The following NRG3 variants were observed in gnomAD, a reference collection of about 807,000 sequenced individuals.
NRG3 encodes pro-neuregulin-3, membrane-bound isoform.
In NRG3, 31 loss-of-function variants were observed where a neutral mutation model predicts 66.9. That is an observed-to-expected ratio of 0.46 (90% confidence interval 0.35 to 0.63). The LOEUF is 0.63. Among genes scored for constraint, NRG3 ranks in the 20% least tolerant of loss-of-function variants. NRG3 has a pLI of 0.00. For synonymous variants in NRG3, 393 were observed against 359.4 expected, an observed-to-expected ratio of 1.09 and a Z score of -1.06; for missense variants, 910 against 878.9, an observed-to-expected ratio of 1.04 and a Z score of -0.45.
chr10:82,709,339 G>A (rs2056509910), intron 2 of NRG3, among the ~76,000 whole-genome samples: 1 of 151,430 alleles, frequency 6.6e-6, no homozygotes, highest in South Asian at 2.1e-4. Flanking sequence ...GTTGTTTTTT[G>A]TTTGTTCCAG....
rs2046688908 is a variant in NRG3 at position 82,586,679 on chromosome 10, A to G, written c.954-151898A>G. Among the ~76,000 whole-genome samples, 3 of 152,180 alleles carry G rather than the reference A, an allele frequency of 2.0e-5. No homozygotes were observed. In the South Asian group the frequency reaches 6.2e-4, roughly 32 times the overall value. On this transcript the variant is annotated intron_variant, in intron 2 of 8. Coordinates refer to ENST00000372141, the MANE Select transcript of NRG3 (RefSeq NM_001010848.4). The stretch of plus-strand genomic sequence containing the variant: ...TATTTCTTAACTGGTGATCAATTAG[A>G]TTCTATTCACCATCTTTATTTTATC...
At chr10:82,129,996 A>G (rs139972308) in intron 1 of NRG3, among the ~76,000 whole-genome samples, 222 of 151,974 alleles carry the variant, frequency 1.5e-3, no homozygotes, top group Non-Finnish European at 2.4e-3. Context: ...CTGCCCATTA[A>G]CCATCACTAC....
At chr10:82,834,012 T>A (rs1473234360) in intron 3 of NRG3, among the ~76,000 whole-genome samples, 1 of 152,226 alleles carries the variant, frequency 6.6e-6, no homozygotes, top group East Asian at 1.9e-4. Context: ...GCACTCTTTT[T>A]TATTTTTTCT....
At chr10:81,915,344 G>C (rs746964455) in intron 1 of NRG3, among the ~76,000 whole-genome samples, 10 of 152,128 alleles carry the variant, frequency 6.6e-5, no homozygotes, top group Admixed American at 5.2e-4. Flanking sequence ...CAGCTGCCTT[G>C]GAGAGGCTAG....
At position 82,364,013 on chromosome 10, in the gene NRG3, G is replaced by A. The variant is rs570395894; in HGVS notation, c.953+5145G>A. ...CTAATTCTGAAAAAAAAACTAAAAA[G>A]GTTGATAGTTTACAACTATTTCCTT... On this transcript the variant is annotated intron_variant, in intron 2 of 8. Coordinates refer to ENST00000372141, the MANE Select transcript of NRG3 (RefSeq NM_001010848.4). 5.3e-5 allele frequency among the ~76,000 whole-genome samples: 8 copies of A among 151,876 alleles called. No individual in the cohort carries two copies. In the East Asian group the frequency reaches 1.5e-3, roughly 29 times the overall value.
chr10:82,402,425 A>G (rs2087171101), intron 2 of NRG3, among the ~76,000 whole-genome samples: 2 of 152,130 alleles, frequency 1.3e-5, no homozygotes, highest in Non-Finnish European at 2.9e-5. Context: ...TTTTCTAACC[A>G]AAGAAGTTGT....
intron 1 of NRG3, among the ~76,000 whole-genome samples, chr10:82,053,226 C>G (rs2063683192): frequency 6.6e-6 from 1 of 151,584 alleles, no homozygotes; most frequent in African/African-American, 2.4e-5. Context: ...AATAAATAAT[C>G]TGATATTTCA....
chr10:82,964,369 T>C (rs2132494857), intron 6 of NRG3, among the ~76,000 whole-genome samples: 1 of 152,288 alleles, frequency 6.6e-6, no homozygotes. Flanking sequence ...AGCTCAGCTC[T>C]CTAAAAAGGT....
intron 6 of NRG3, among the ~76,000 whole-genome samples, chr10:82,965,559 A>G (rs1342124995): frequency 3.9e-5 from 6 of 152,094 alleles, no homozygotes; most frequent in African/African-American, 1.2e-4. Context: ...AACATGGTGA[A>G]ACCTTGACCC....
At chr10:82,315,825 C>A (rs1371198037) in intron 1 of NRG3, among the ~76,000 whole-genome samples, 1 of 151,956 alleles carries the variant, frequency 6.6e-6, no homozygotes, top group Non-Finnish European at 1.5e-5. Flanking sequence ...ACCACCACAC[C>A]CGGCTAGTTT....
intron 1 of NRG3, among the ~76,000 whole-genome samples, chr10:82,339,529 T>C (rs2082571013): frequency 6.6e-6 from 1 of 152,138 alleles, no homozygotes; most frequent in Non-Finnish European, 1.5e-5. Context: ...CATGATTTGG[T>C]TACCTCCCAC....
At chr10:82,190,081 C>T (rs1400480159) in intron 1 of NRG3, among the ~76,000 whole-genome samples, 1 of 152,152 alleles carries the variant, frequency 6.6e-6, no homozygotes, top group Non-Finnish European at 1.5e-5. Flanking sequence ...AATACAGGCC[C>T]TGACTTGGTC....
At chr10:82,067,323 A>G (rs923574756) in intron 1 of NRG3, among the ~76,000 whole-genome samples, 4 of 151,984 alleles carry the variant, frequency 2.6e-5, no homozygotes, top group African/African-American at 9.7e-5. Context: ...AAATTTTCCC[A>G]CTCTACTTTT....
chr10:82,003,890 C>T (rs550189453), intron 1 of NRG3, among the ~76,000 whole-genome samples: 1 of 151,940 alleles, frequency 6.6e-6, no homozygotes, highest in South Asian at 2.1e-4. Flanking sequence ...TGTTGGCATG[C>T]ACCTGCAGCC....
In NRG3 at chr10:82,054,621, C is replaced by T. The variant is rs151298528; in HGVS notation, c.823+178458C>T. Among the ~76,000 whole-genome samples the T allele has an allele frequency of 4.1e-3, 624 of 152,168 alleles. 2 individuals carry two copies. The highest frequency in any genetic ancestry group is 0.014 in the African/African-American group (591 of 41,508). ...TGGAGGAATAGATCCAAATATTGAG[C>T]TCCAAGGGACTCCAATATTTAGAGG... On this transcript the variant is annotated intron_variant, in intron 1 of 8. Transcript: ENST00000372141.
At chr10:82,680,740 C>G (rs2054051477) in intron 2 of NRG3, among the ~76,000 whole-genome samples, 2 of 152,190 alleles carry the variant, frequency 1.3e-5, no homozygotes, top group South Asian at 4.1e-4. Context: ...TTCTTCAGAG[C>G]CATTTCTTTT....
chr10:82,192,169 G>A (rs2074183213), intron 1 of NRG3, among the ~76,000 whole-genome samples: 1 of 152,116 alleles, frequency 6.6e-6, no homozygotes, highest in South Asian at 2.1e-4. Flanking sequence ...GTAACTCAGT[G>A]CAACCCGTTT....
chr10:82,786,182 A>G (rs1052461217), intron 3 of NRG3, among the ~76,000 whole-genome samples: 2 of 152,132 alleles, frequency 1.3e-5, no homozygotes, highest in Admixed American at 1.3e-4. Flanking sequence ...CCAGAACTAC[A>G]GAGCAACCAA....
At chr10:82,959,362 C>T (rs148360455) in intron 6 of NRG3, among the ~76,000 whole-genome samples, 179 of 152,150 alleles carry the variant, frequency 1.2e-3, no homozygotes, top group African/African-American at 4.2e-3. Context: ...TTGTTGAATC[C>T]TTAGTTTGTG....
Sources: allele counts gnomAD v4.1 joint callset (sites outside exome capture counted in the v4.1 genomes callset), GRCh38; gene constraint gnomAD v4.1.1; transcripts MANE v1.5; gene names NCBI Gene and HGNC (gene_info 2026-07-23, HGNC 2026-07-21).